Variants in NLRC5 observed in about 807,000 individuals in gnomAD.
The protein encoded by NLRC5 is protein NLRC5.
NLRC5 carries 114 observed loss-of-function variants against 206.9 expected under a neutral mutation model. That is an observed-to-expected ratio of 0.55 (90% CI 0.47 to 0.64). The LOEUF (loss-of-function observed/expected upper bound fraction) is 0.64, where lower values mean the gene tolerates loss of function less well. NLRC5 is among the 30% of genes least tolerant of loss of function. The pLI is 0.00. For synonymous variants in NLRC5, 952 were observed against 962.8 expected, an observed-to-expected ratio of 0.99 and a Z score of 0.21; for missense variants, 2,008 against 2,305.5, an observed-to-expected ratio of 0.87 and a Z score of 2.64.
chr16:57,003,101 C>T (rs2058486132), intron 1 of NLRC5, among the ~76,000 whole-genome samples: 1 of 151,714 alleles, frequency 6.6e-6, no homozygotes, highest in Non-Finnish European at 1.5e-5. Flanking sequence ...GCTCTGTCGC[C>T]CAGACTGGAG....
At chr16:57,027,088 C>A in intron 6 of NLRC5, 70 bp downstream of exon 6, 2 of 1,520,298 alleles carry the variant, frequency 1.3e-6, no homozygotes, top group Non-Finnish European at 1.8e-6. Context: ...ACCAGTCTAG[C>A]AAACCTCTGC....
chr16:57,041,824 G>A (rs2063319891), intron 18 of NLRC5, among the ~76,000 whole-genome samples, 158 bp from the exon 19 acceptor site: 2 of 152,206 alleles, frequency 1.3e-5, no homozygotes, highest in South Asian at 4.1e-4. Context: ...ACCTGGGGGA[G>A]ACCCCAGCTG....
intron 39 of NLRC5, among the ~76,000 whole-genome samples, chr16:57,075,004 GCTTTTTTTTTTTTTT>G (rs2068196095): frequency 9.9e-6 from 1 of 100,586 alleles, no homozygotes; most frequent in African/African-American, 3.8e-5. Flanking sequence ...CCTAGACTGT[GCTTTTTTTTTTTTTT>G]TTTTTTTTTT....
At chr16:57,036,623 G>A (rs151129674) in intron 14 of NLRC5, among the ~76,000 whole-genome samples, 73 of 151,778 alleles carry the variant, frequency 4.8e-4, no homozygotes, top group African/African-American at 1.7e-3. Flanking sequence ...TAGGCTGCTG[G>A]GTGTGCTGTG....
chr16:57,046,434 C>A, intron 21 of NLRC5, 118 bp from the exon 22 acceptor site: 2 of 753,956 alleles, frequency 2.7e-6, no homozygotes, highest in African/African-American at 3.5e-5. Flanking sequence ...TCTGGGAGTC[C>A]AATGTGGGTG....
At chr16:57,010,379 T>C (rs1341621354) in intron 1 of NLRC5, among the ~76,000 whole-genome samples, 1 of 152,148 alleles carries the variant, frequency 6.6e-6, no homozygotes, top group African/African-American at 2.4e-5. Flanking sequence ...AACTTTTTAA[T>C]TTTTTTGTTT....
chr16:57,057,835 TGTG>T (rs545488215), intron 27 of NLRC5, among the ~76,000 whole-genome samples: 64 of 151,760 alleles, frequency 4.2e-4, no homozygotes, highest in African/African-American at 1.4e-3. Context: ...GGTGTAGAAT[TGTG>T]GTGATAATGA....
In NLRC5 at chr16:57,059,485, C is replaced by A; in HGVS notation, c.3939C>A (p.Ser1313Arg). ...TCTGCAGCCTGGGCTCTGAGCAGAG[C>A]TTCCGGATTCACTTCTCCAGAGAGG... is the stretch of plus-strand genomic sequence containing the variant. Reference protein sequence around the residue: ...EASVNLGSEQSFRIHFSREDQ... With the variant: ...EASVNLGSEQRFRIHFSREDQ... Residue 1313 changes from serine to arginine, a missense_variant, in exon 30 of 49, where the codon AGC (serine) becomes AGA (arginine). Coordinates refer to ENST00000688547, the MANE Select transcript of NLRC5 (RefSeq NM_001384950.1). 6.2e-7 allele frequency: 1 copy of A among 1,611,066 alleles called. No individual in the cohort carries two copies. The highest frequency in any genetic ancestry group is 8.5e-7 in the Non-Finnish European group (1 of 1,178,676).
chr16:57,031,147 T>G (rs1163229099), intron 10 of NLRC5, among the ~76,000 whole-genome samples: 1 of 152,106 alleles, frequency 6.6e-6, no homozygotes, highest in East Asian at 1.9e-4. Context: ...ATTCTTAATT[T>G]TTATTATATT....
In NLRC5 at chr16:57,046,439, T is replaced by C. The variant is rs2063983675; in HGVS notation, c.3249-113T>C. 3 of 788,762 alleles carry C rather than the reference T, an allele frequency of 3.8e-6. No homozygotes were observed. In the Admixed American group the frequency reaches 7.5e-5, roughly 20 times the overall value. 48.9% of individuals were successfully genotyped at this position (788,762 alleles called of 1,614,324 possible). A position where few individuals can be genotyped will look rare whatever the true frequency, so the allele number is the denominator to read the frequency against. ...ACTTTCCAAGTCTGGGAGTCCAATG[T>C]GGGTGATCTGAACTTTCCTTTCTAA... On this transcript the variant is annotated intron_variant, in intron 21 of 48. Coordinates refer to ENST00000688547, the MANE Select transcript of NLRC5 (RefSeq NM_001384950.1).
chr16:57,045,274 T>C (rs2063794334), intron 20 of NLRC5, 174 bp from the exon 21 acceptor site: 1 of 609,006 alleles, frequency 1.6e-6, no homozygotes, highest in Admixed American at 2.8e-5. Flanking sequence ...GAAATGTCGA[T>C]GGTGTGCTTT....
At chr16:57,077,485 C>A (rs542433785) in intron 41 of NLRC5, 106 bp downstream of exon 41, 8 of 1,141,920 alleles carry the variant, frequency 7.0e-6, no homozygotes, top group Middle Eastern at 2.6e-4. Flanking sequence ...CCTGCGCCAA[C>A]CTCAGTGTCC....
At chr16:57,060,194 C>T (rs1399543937) in intron 30 of NLRC5, among the ~76,000 whole-genome samples, 1 of 151,866 alleles carries the variant, frequency 6.6e-6, no homozygotes, top group African/African-American at 2.4e-5. Context: ...CACTCCACAG[C>T]CCCCAGAGGG....
At chr16:57,025,191 C>A (rs943279906) in intron 5 of NLRC5, among the ~76,000 whole-genome samples, 177 bp from the exon 6 acceptor site, 1 of 152,222 alleles carries the variant, frequency 6.6e-6, no homozygotes, top group Admixed American at 6.5e-5. Context: ...GAACTGATTC[C>A]TTCTGGAAGT....
At position 57,067,736 on chromosome 16, in the gene NLRC5, C is replaced by A; in HGVS notation, c.4407C>A (p.Ser1469Arg). ...METCARLQQLSLSQVNLCEDD... is the reference protein window; with the variant it reads ...METCARLQQLRLSQVNLCEDD... ...CTAGAATATCCTTGGACCTTTTCAG[C>A]TTGTCTCAGGTTAACCTCTGTGAGG... is the stretch of plus-strand genomic sequence containing the variant. The change falls in exon 36 of 49, where the codon AGC becomes AGA. Residue 1469 changes from serine to arginine, a missense_variant and splice_region_variant. Transcript: ENST00000688547. The A allele has an allele frequency of 1.2e-6, 2 of 1,613,794 alleles. No homozygotes were observed. The highest frequency in any genetic ancestry group is 1.7e-6 in the Non-Finnish European group (2 of 1,179,632).
chr16:57,078,197 AGGCCCAGCCTAGTCCTGGCTCTGCCACT>A (rs1311355240), intron 43 of NLRC5, among the ~76,000 whole-genome samples, 177 bp downstream of exon 43: 1 of 152,170 alleles, frequency 6.6e-6, no homozygotes, highest in African/African-American at 2.4e-5. Context: ...GAAAATCAGG[AGGCCCAGCCTAGTCCTGGCTCTGCCACT>A]GGCCCCTGCC....
rs2067105350 is a variant in NLRC5 at position 57,066,587 on chromosome 16, A to G, written c.4295A>G (p.Glu1432Gly). 2 of 1,613,852 alleles carry G rather than the reference A, an allele frequency of 1.2e-6. No individual in the cohort carries two copies. The change falls in exon 34 of 49, where the codon GAA becomes GGA. Residue 1432 changes from glutamate (E) to glycine (G), a missense_variant. By Grantham distance (98) the Glu-to-Gly change is moderately conservative. Coordinates refer to ENST00000688547, the MANE Select transcript of NLRC5 (RefSeq NM_001384950.1). Reference protein sequence around the residue: ...LCVQLEFPRQEENPEAVALRL... With the variant: ...LCVQLEFPRQGENPEAVALRL... The stretch of plus-strand genomic sequence containing the variant: ...GTCCAGCTGGAATTTCCTCGCCAGG[A>G]AGAGAATCCAGAAGCTGTGGCACTC...
chr16:57,067,245 C>T (rs2067173007), intron 34 of NLRC5, 142 bp from the exon 35 acceptor site: 1 of 726,620 alleles, frequency 1.4e-6, no homozygotes, highest in Non-Finnish European at 2.5e-6. Flanking sequence ...CCTAGCACTT[C>T]TCATAAGTGA....
At position 57,025,260 on chromosome 16, in the gene NLRC5, C is replaced by T. The variant is rs906252443; in HGVS notation, c.425-108C>T. 3.3e-5 allele frequency: 49 copies of T among 1,472,066 alleles called. No individual in the cohort carries two copies. The South Asian group carries it at 6.4e-4, about 19-fold the overall frequency. 91.2% of individuals were successfully genotyped at this position (1,472,066 alleles called of 1,614,324 possible). On this transcript the variant is annotated intron_variant, in intron 5 of 48. Transcript: ENST00000688547. ...ACACCCCCACCCTCACCCCATCATA[C>T]ATACACATCTGGGGCTACAGGCTCC...
Sources: allele counts gnomAD v4.1 joint callset (sites outside exome capture counted in the v4.1 genomes callset), GRCh38; gene constraint gnomAD v4.1.1; transcripts MANE v1.5; gene names NCBI Gene and HGNC (gene_info 2026-07-23, HGNC 2026-07-21).